The following ASH1L variants were observed in gnomAD, a reference collection of about 807,000 sequenced individuals.
ASH1L encodes the protein histone-lysine N-methyltransferase ASH1L.
ASH1L carries 23 observed loss-of-function variants against 269.0 expected under a neutral mutation model. The ratio of observed to expected loss-of-function variants is 0.09; its 90% CI spans 0.06 to 0.12. The LOEUF (loss-of-function observed/expected upper bound fraction) is 0.12, where lower values mean the gene tolerates loss of function less well. Ranked by LOEUF, ASH1L falls within the 10% of genes least tolerant of loss-of-function variation. ASH1L has a pLI of 1.00. For missense variants in ASH1L, 2,912 were observed against 3,567.8 expected, an observed-to-expected ratio of 0.82 and a Z score of 4.68; for synonymous variants, 1,187 against 1,253.5, an observed-to-expected ratio of 0.95 and a Z score of 1.12.
chr1:155,408,007 C>T (rs1390881775), intron 6 of ASH1L, among the ~76,000 whole-genome samples: 1 of 152,128 alleles, frequency 6.6e-6, no homozygotes, highest in Non-Finnish European at 1.5e-5. Context: ...TTACTGTACA[C>T]TTAATATCTC....
At chr1:155,556,536 C>T (rs909044082) in intron 1 of ASH1L, among the ~76,000 whole-genome samples, 1 of 151,802 alleles carries the variant, frequency 6.6e-6, no homozygotes, top group Non-Finnish European at 1.5e-5. Context: ...CCTCCACCTC[C>T]CAGGTTCAAC....
chr1:155,342,403 G>A (rs1039162527), intron 24 of ASH1L, among the ~76,000 whole-genome samples: 1 of 152,192 alleles, frequency 6.6e-6, no homozygotes, highest in Admixed American at 6.5e-5. Context: ...AGCAGGTTAC[G>A]AGGAGTTACA....
chr1:155,364,089 T>A (rs545382711), intron 12 of ASH1L, among the ~76,000 whole-genome samples: 2 of 151,634 alleles, frequency 1.3e-5, no homozygotes, highest in East Asian at 3.9e-4. Flanking sequence ...AGCCCAAGAG[T>A]TTGAGACCAG....
chr1:155,483,548 TG>T (rs1666099329), intron 2 of ASH1L, among the ~76,000 whole-genome samples: 1 of 151,828 alleles, frequency 6.6e-6, no homozygotes, highest in African/African-American at 2.4e-5. Context: ...CGTATGAAAA[TG>T]TACTGCATGG....
chr1:155,438,938 T>G lies in ASH1L; in HGVS notation c.5217A>C (p.Ala1739=). The G allele has an allele frequency of 6.2e-7, 1 of 1,614,188 alleles. No individual in the cohort carries two copies. Among genetic ancestry groups the G allele is most frequent in the Non-Finnish European group, 8.5e-7 (1 of 1,180,036 alleles). ...PMEKSIDAVI[A]TASAPPSSSP... is the part of the protein sequence containing the mutation. Reference sequence around the variant, plus strand: ...TGGAAGAAGGTGGTGCAGAGGCAGTTGCAATCACAGCATCAATACTTTTCT... The same window carrying G: ...TGGAAGAAGGTGGTGCAGAGGCAGTGGCAATCACAGCATCAATACTTTTCT... Residue 1739 remains alanine (A), a synonymous_variant, in exon 5 of 28, where the codon GCA becomes GCC. Coordinates refer to ENST00000392403, the MANE Select transcript of ASH1L (RefSeq NM_018489.3).
chr1:155,538,770 G>T (rs539854115), intron 1 of ASH1L, among the ~76,000 whole-genome samples: 3 of 150,586 alleles, frequency 2.0e-5, no homozygotes, highest in African/African-American at 7.3e-5. Context: ...AGCTTCCCAA[G>T]TAATAGGGAC....
At chr1:155,379,946 G>C in intron 8 of ASH1L, 97 bp downstream of exon 8, 1 of 890,012 alleles carries the variant, frequency 1.1e-6, no homozygotes, top group Non-Finnish European at 1.8e-6. Context: ...AACCTCCTAA[G>C]ATGAAAACAT....
intron 5 of ASH1L, among the ~76,000 whole-genome samples, chr1:155,421,805 T>A (rs1371956234): frequency 6.6e-6 from 1 of 152,104 alleles, no homozygotes; most frequent in Non-Finnish European, 1.5e-5. Flanking sequence ...TAGAAATAGA[T>A]ACACATATGA....
In ASH1L at chr1:155,433,248, G is replaced by T. The variant is rs28516425; in HGVS notation, c.5828+5079C>A. The T allele has an allele frequency of 1.2e-4, 183 of 1,552,586 alleles. No homozygotes were observed. The East Asian group carries it at 4.4e-3, about 37-fold the overall frequency. On this transcript the variant is annotated intron_variant, in intron 5 of 27. Transcript: ENST00000392403. ...CCAGGCGGTGGAGGTGATGGGCCAG[G>T]GGGGCCGGAGCCGGGCTGGGTTGAT...
intron 2 of ASH1L, among the ~76,000 whole-genome samples, chr1:155,498,661 G>C (rs1667311070): frequency 6.6e-6 from 1 of 151,900 alleles, no homozygotes. Flanking sequence ...GGCTGGTCTT[G>C]AACTCCCGAA....
chr1:155,376,432 G>A (rs1294636370), intron 10 of ASH1L, among the ~76,000 whole-genome samples: 1 of 151,934 alleles, frequency 6.6e-6, no homozygotes, highest in Admixed American at 6.5e-5. Flanking sequence ...TGCTGCACAT[G>A]TGCATTGTTA....
intron 25 of ASH1L, among the ~76,000 whole-genome samples, chr1:155,339,976 T>C (rs1363859177): frequency 2.6e-5 from 4 of 152,162 alleles, no homozygotes; most frequent in Non-Finnish European, 4.4e-5. Context: ...TGCAGTCCAA[T>C]GTTGACTGAA....
At chr1:155,379,557 T>C (rs530101888) in intron 8 of ASH1L, among the ~76,000 whole-genome samples, 8 of 152,362 alleles carry the variant, frequency 5.3e-5, no homozygotes, top group Non-Finnish European at 1.0e-4. Flanking sequence ...CTTCCTGTTT[T>C]TAGTTACCAA....
At chr1:155,357,809 C>A in intron 13 of ASH1L, 60 bp from the exon 14 acceptor site, 1 of 1,479,556 alleles carries the variant, frequency 6.8e-7, no homozygotes, top group Non-Finnish European at 9.1e-7. Context: ...TCTTTCCTGT[C>A]ACTCAGGCTG....
chr1:155,353,855 T>C (rs1654134261), intron 16 of ASH1L, among the ~76,000 whole-genome samples: 2 of 152,168 alleles, frequency 1.3e-5, no homozygotes, highest in Admixed American at 6.5e-5. Context: ...CCCAGTGGAT[T>C]TGGTATCACT....
intron 4 of ASH1L, among the ~76,000 whole-genome samples, chr1:155,451,171 T>C (rs1289747093): frequency 7.2e-6 from 1 of 138,034 alleles, no homozygotes; most frequent in Non-Finnish European, 1.5e-5. Flanking sequence ...CACTGCAGCC[T>C]GGGCACCAAG....
intron 4 of ASH1L, chr1:155,440,611 G>A (rs1404242802): frequency 1.6e-5 from 11 of 675,130 alleles, no homozygotes; most frequent in Admixed American, 1.3e-4. Flanking sequence ...TTACCAAAAC[G>A]AAAAATGACC....
At chr1:155,370,214 CATT>C (rs1383888970) in intron 12 of ASH1L, 4 of 394,598 alleles carry the variant, frequency 1.0e-5, no homozygotes, top group Non-Finnish European at 1.4e-5. Context: ...TCATCATCAT[CATT>C]ATTATATTTT....
chr1:155,341,391 T>C (rs919273752), intron 25 of ASH1L, among the ~76,000 whole-genome samples: 7 of 152,306 alleles, frequency 4.6e-5, no homozygotes, highest in Non-Finnish European at 7.4e-5. Context: ...TTAGCCAGGA[T>C]GGTCTTGATC....
Sources: gnomAD v4.1 joint callset for allele counts (sites outside exome capture counted in the v4.1 genomes callset) on GRCh38, gnomAD v4.1.1 for gene constraint, MANE v1.5 for transcripts, NCBI Gene and HGNC (gene_info 2026-07-23, HGNC 2026-07-21) for gene names.